Variants in SIPA1L1 observed in about 807,000 individuals in gnomAD.
SIPA1L1 encodes signal induced proliferation associated 1 like 1, also known as signal-induced proliferation-associated 1-like protein 1.
In SIPA1L1, 26 loss-of-function variants were observed where a neutral mutation model predicts 162.7. That is an observed-to-expected ratio of 0.16 (90% CI 0.12 to 0.22). The LOEUF is 0.22. Ranked by LOEUF, SIPA1L1 falls within the 10% of genes least tolerant of loss-of-function variation. SIPA1L1 has a pLI of 1.00. For synonymous variants in SIPA1L1, 829 were observed against 837.4 expected, an observed-to-expected ratio of 0.99 and a Z score of 0.17; for missense variants, 1,874 against 2,241.0, an observed-to-expected ratio of 0.84 and a Z score of 3.31.
intron 13 of SIPA1L1, among the ~76,000 whole-genome samples, chr14:71,689,587 A>G (rs1474194658): frequency 6.6e-6 from 1 of 152,206 alleles, no homozygotes; most frequent in African/African-American, 2.4e-5. Context: ...ATAAAAGTTG[A>G]GCTATTTGAG....
At chr14:71,394,913 T>C (rs566634380) in intron 2 of SIPA1L1, among the ~76,000 whole-genome samples, 36 of 152,344 alleles carry the variant, frequency 2.4e-4, no homozygotes, top group African/African-American at 8.4e-4. Context: ...AAAAAAATTA[T>C]TTTCATCATT....
At chr14:71,452,912 T>C (rs959077644) in intron 2 of SIPA1L1, among the ~76,000 whole-genome samples, 1 of 152,218 alleles carries the variant, frequency 6.6e-6, no homozygotes, top group South Asian at 2.1e-4. Context: ...ATTATTTTCC[T>C]CTGGTGTTCA....
intron 2 of SIPA1L1, among the ~76,000 whole-genome samples, chr14:71,431,038 T>C (rs1300043110): frequency 6.6e-6 from 1 of 152,310 alleles, no homozygotes; most frequent in Admixed American, 6.5e-5. Context: ...AGAACAAATT[T>C]GTTAGCAGCG....
chr14:71,687,555 T>C (rs1452341273), intron 13 of SIPA1L1, among the ~76,000 whole-genome samples: 2 of 152,348 alleles, frequency 1.3e-5, no homozygotes, highest in South Asian at 4.1e-4. Context: ...TTTGATTCCA[T>C]GTTGAATTTA....
intron 14 of SIPA1L1, 128 bp downstream of exon 14, chr14:71,699,255 C>T (rs879910986): frequency 4.0e-5 from 36 of 901,806 alleles, no homozygotes; most frequent in East Asian, 2.3e-4. Flanking sequence ...AAAGAGAAAA[C>T]GTAGTTAATA....
At chr14:71,441,649 T>C (rs1268075802) in intron 2 of SIPA1L1, among the ~76,000 whole-genome samples, 1 of 152,204 alleles carries the variant, frequency 6.6e-6, no homozygotes, top group Admixed American at 6.5e-5. Flanking sequence ...ACTAAATAAA[T>C]GCTTGTTGAA....
intron 13 of SIPA1L1, among the ~76,000 whole-genome samples, chr14:71,692,040 TG>T (rs2081289533): frequency 6.6e-6 from 1 of 152,238 alleles, no homozygotes; most frequent in Non-Finnish European, 1.5e-5. Flanking sequence ...CAACTTAGTG[TG>T]TCTACACTTC....
intron 12 of SIPA1L1, among the ~76,000 whole-genome samples, 164 bp downstream of exon 12, chr14:71,672,786 C>CTTTCAGTG (rs2044667477): frequency 6.6e-6 from 1 of 152,168 alleles, no homozygotes; most frequent in Non-Finnish European, 1.5e-5. Flanking sequence ...ACGAAGCTCC[C>CTTTCAGTG]TTTCAGTGTG....
intron 2 of SIPA1L1, among the ~76,000 whole-genome samples, chr14:71,435,095 C>T (rs1308026956): frequency 1.3e-5 from 2 of 152,156 alleles, no homozygotes; most frequent in Non-Finnish European, 2.9e-5. Context: ...AGAATATATT[C>T]GTATCTTTAT....
At chr14:71,556,962 C>T (rs1340724539) in intron 4 of SIPA1L1, among the ~76,000 whole-genome samples, 1 of 152,056 alleles carries the variant, frequency 6.6e-6, no homozygotes, top group African/African-American at 2.4e-5. Context: ...AGAGCCCTGC[C>T]TTGGGCAGGT....
At chr14:71,366,933 A>G (rs1489883742) in intron 2 of SIPA1L1, among the ~76,000 whole-genome samples, 1 of 152,196 alleles carries the variant, frequency 6.6e-6, no homozygotes, top group East Asian at 1.9e-4. Context: ...GGGATCTATA[A>G]GTTACACAAG....
At chr14:71,452,662 G>C (rs2045915654) in intron 2 of SIPA1L1, among the ~76,000 whole-genome samples, 1 of 152,152 alleles carries the variant, frequency 6.6e-6, no homozygotes, top group South Asian at 2.1e-4. Flanking sequence ...CACAGTGTGT[G>C]AGAGTTCCAG....
At chr14:71,707,324 T>A (rs985863663) in intron 16 of SIPA1L1, among the ~76,000 whole-genome samples, 8 of 152,248 alleles carry the variant, frequency 5.3e-5, no homozygotes, top group Admixed American at 4.6e-4. Context: ...GTTCTATATG[T>A]TTTTTAAATT....
rs202149772 is a variant in SIPA1L1, at chr14:71,502,251, A to T, written c.-464-10492A>T. 4.8e-3 allele frequency among the ~76,000 whole-genome samples: 295 copies of T among 60,884 alleles called. 3 individuals carry two copies. Among genetic ancestry groups the T allele is most frequent in the South Asian group, 0.017 (30 of 1,784 alleles). The allele number at this position is 60,884 out of a possible 152,430, so 39.9% of individuals were successfully genotyped here. A position where few individuals can be genotyped will look rare whatever the true frequency, so the allele number is the denominator to read the frequency against. Reference sequence around the variant, plus strand: ...AGCCTTTGAGATACTTGAAAAAAAAAAAAAATATATATATATATATATATA... The same window carrying T: ...AGCCTTTGAGATACTTGAAAAAAAATAAAAATATATATATATATATATATA... On this transcript the variant is annotated intron_variant, in intron 2 of 23. Coordinates refer to ENST00000381232, the MANE Select transcript of SIPA1L1 (RefSeq NM_001386936.1).
intron 2 of SIPA1L1, 198 bp downstream of exon 2, chr14:71,321,379 G>C (rs2140115118): frequency 6.6e-6 from 1 of 152,472 alleles, no homozygotes; most frequent in Admixed American, 6.5e-5. Flanking sequence ...ACCGCGCCCG[G>C]CGCGCGCGCA....
intron 2 of SIPA1L1, among the ~76,000 whole-genome samples, chr14:71,328,636 C>T (rs117212923): frequency 6.6e-6 from 1 of 152,044 alleles, no homozygotes; most frequent in Non-Finnish European, 1.5e-5. Flanking sequence ...TTTGTAGAGG[C>T]CCATTGATTC....
chr14:71,580,005 C>A (rs937767606), intron 4 of SIPA1L1, among the ~76,000 whole-genome samples: 1 of 152,166 alleles, frequency 6.6e-6, no homozygotes, highest in Admixed American at 6.5e-5. Context: ...TGTCTCAAAT[C>A]GCCAATGTTA....
intron 7 of SIPA1L1, among the ~76,000 whole-genome samples, chr14:71,628,817 T>G (rs1049472511): frequency 6.6e-6 from 1 of 152,052 alleles, no homozygotes; most frequent in African/African-American, 2.4e-5. Flanking sequence ...AGCAGTTGGG[T>G]GGTCCATACT....
At chr14:71,538,405 G>A (rs1410726338) in intron 4 of SIPA1L1, among the ~76,000 whole-genome samples, 2 of 152,138 alleles carry the variant, frequency 1.3e-5, no homozygotes, top group Non-Finnish European at 2.9e-5. Context: ...AATTGCTTTA[G>A]GAATAATCCT....
Sources: allele counts gnomAD v4.1 joint callset (sites outside exome capture counted in the v4.1 genomes callset), GRCh38; gene constraint gnomAD v4.1.1; transcripts MANE v1.5; gene names NCBI Gene and HGNC (gene_info 2026-07-23, HGNC 2026-07-21).